Variants in METAP1D observed in about 807,000 individuals in gnomAD.
The protein encoded by METAP1D is methionine aminopeptidase 1D, mitochondrial.
METAP1D carries 31 observed loss-of-function variants against 40.5 expected under a neutral mutation model. That is an observed-to-expected ratio of 0.77 (90% confidence interval 0.58 to 1.03). METAP1D has a LOEUF of 1.03. Among genes scored for constraint, METAP1D ranks in the 50% least tolerant of loss-of-function variants. The pLI is 0.00. For missense variants in METAP1D, 411 were observed against 420.7 expected (o/e 0.98, Z 0.20); for synonymous variants, 151 against 146.4 (o/e 1.03, Z -0.22).
chr2:172,077,939 A>G (rs1690587174), intron 7 of METAP1D, 45 bp downstream of exon 7: 1 of 975,554 alleles, frequency 1.0e-6, no homozygotes, highest in Admixed American at 1.9e-5. Context: ...AGAGATCAAG[A>G]TGTGGCAGCT....
intron 1 of METAP1D, among the ~76,000 whole-genome samples, chr2:172,016,319 A>G (rs1242914703): frequency 8.9e-6 from 1 of 112,244 alleles, no homozygotes; most frequent in African/African-American, 3.0e-5. Context: ...ATATATATAT[A>G]TATATATATA....
At chr2:172,047,544 C>T (rs1445118715) in intron 1 of METAP1D, among the ~76,000 whole-genome samples, 3 of 152,142 alleles carry the variant, frequency 2.0e-5, no homozygotes, top group Non-Finnish European at 4.4e-5. Flanking sequence ...AGTCATCCTC[C>T]CACCTCAGTC....
intron 1 of METAP1D, among the ~76,000 whole-genome samples, chr2:172,056,096 T>C (rs1356439434): frequency 6.6e-6 from 1 of 152,212 alleles, no homozygotes; most frequent in East Asian, 1.9e-4. Flanking sequence ...GATGATCTTT[T>C]GTGTAATCAA....
At chr2:172,003,501 C>A (rs1237012955) in intron 1 of METAP1D, among the ~76,000 whole-genome samples, 1 of 152,112 alleles carries the variant, frequency 6.6e-6, no homozygotes, top group African/African-American at 2.4e-5. Flanking sequence ...TAGTTTCCCC[C>A]ATTCTGTTCT....
At chr2:172,005,520 T>TATATATATA in intron 1 of METAP1D, among the ~76,000 whole-genome samples, 1 of 110,940 alleles carries the variant, frequency 9.0e-6, no homozygotes, top group Non-Finnish European at 1.8e-5. Context: ...TGTCTGTATT[T>TATATATATA]TATATATATA....
At chr2:172,013,664 C>T (rs1444840295) in intron 1 of METAP1D, among the ~76,000 whole-genome samples, 5 of 151,878 alleles carry the variant, frequency 3.3e-5, no homozygotes, top group South Asian at 2.1e-4. Flanking sequence ...GGGAAATTTG[C>T]GTGTGAAAGA....
intron 1 of METAP1D, among the ~76,000 whole-genome samples, chr2:172,060,814 C>T (rs932862111): frequency 3.3e-5 from 5 of 152,158 alleles, no homozygotes; most frequent in Admixed American, 3.3e-4. Flanking sequence ...TTCATTCATC[C>T]ATCAGTGCAT....
intron 1 of METAP1D, among the ~76,000 whole-genome samples, chr2:172,036,196 A>G (rs958118615): frequency 2.9e-4 from 44 of 150,518 alleles, no homozygotes; most frequent in Non-Finnish European, 1.2e-4. Context: ...GGGTGCCTGT[A>G]GTCCCAGCTA....
At chr2:172,030,304 C>T (rs992460829) in intron 1 of METAP1D, among the ~76,000 whole-genome samples, 2 of 151,924 alleles carry the variant, frequency 1.3e-5, no homozygotes, top group African/African-American at 4.8e-5. Flanking sequence ...GTTGGTCAGG[C>T]TGGTCTCGAA....
chr2:172,072,925 T>G (rs1306733304), intron 6 of METAP1D, among the ~76,000 whole-genome samples: 2 of 152,142 alleles, frequency 1.3e-5, no homozygotes, highest in Non-Finnish European at 2.9e-5. Context: ...TGAGATGTGC[T>G]AGGAACAGGC....
intron 1 of METAP1D, among the ~76,000 whole-genome samples, chr2:172,035,310 G>A (rs1245854898): frequency 2.6e-5 from 4 of 152,146 alleles, no homozygotes; most frequent in Middle Eastern, 6.8e-3. Context: ...GACTGCAGGC[G>A]CCGGCCACCA....
chr2:172,039,927 G>A (rs1349052087), intron 1 of METAP1D, among the ~76,000 whole-genome samples: 17 of 145,650 alleles, frequency 1.2e-4, no homozygotes, highest in South Asian at 4.4e-4. Context: ...TGCCCACCTT[G>A]GCCTCTCAGA....
At chr2:172,051,800 A>G (rs1689890063) in intron 1 of METAP1D, among the ~76,000 whole-genome samples, 1 of 152,188 alleles carries the variant, frequency 6.6e-6, no homozygotes, top group Non-Finnish European at 1.5e-5. Flanking sequence ...ATTTGAGGTG[A>G]ATTTTATTAG....
At chr2:172,020,444 C>G (rs1295363041) in intron 1 of METAP1D, among the ~76,000 whole-genome samples, 2 of 152,084 alleles carry the variant, frequency 1.3e-5, no homozygotes, top group African/African-American at 4.8e-5. Flanking sequence ...TCTTTCGTGC[C>G]CACAATAAGA....
chr2:172,027,188 A>T (rs1689137184), intron 1 of METAP1D, among the ~76,000 whole-genome samples: 1 of 152,200 alleles, frequency 6.6e-6, no homozygotes, highest in East Asian at 1.9e-4. Context: ...ACACAAAACC[A>T]TATGCCTCTG....
intron 1 of METAP1D, among the ~76,000 whole-genome samples, chr2:172,022,933 T>A (rs572747523): frequency 3.3e-4 from 50 of 152,310 alleles, no homozygotes; most frequent in Middle Eastern, 6.8e-3. Flanking sequence ...ACATCTGTAA[T>A]CCCAGCACTT....
At chr2:172,028,713 A>G (rs1190557130) in intron 1 of METAP1D, among the ~76,000 whole-genome samples, 1 of 152,174 alleles carries the variant, frequency 6.6e-6, no homozygotes, top group Admixed American at 6.6e-5. Flanking sequence ...GCCACGAACT[A>G]TATAACAAAT....
At chr2:172,040,801 C>G (rs1414766940) in intron 1 of METAP1D, among the ~76,000 whole-genome samples, 1 of 125,244 alleles carries the variant, frequency 8.0e-6, no homozygotes, top group Non-Finnish European at 1.6e-5. Context: ...GGTTAGAGTG[C>G]AGTGGCACAA....
rs1460847687 is a variant in METAP1D at position 172,081,658 on chromosome 2, A to T, written c.*1252A>T. On this transcript the variant is annotated 3_prime_UTR_variant, in exon 10 of 10. Coordinates refer to ENST00000315796, the MANE Select transcript of METAP1D (RefSeq NM_199227.3). ...CGAAGGAAGCCGTCTGCCTTCGGTT[A>T]TGATTTTAGGAACAAGTCCAACGAG... 4 of 152,298 alleles carry T rather than the reference A, an allele frequency of 2.6e-5. No individual in the cohort carries two copies. Among genetic ancestry groups the T allele is most frequent in the African/African-American group, 9.6e-5 (4 of 41,462 alleles). The allele number at this position is 152,298 out of a possible 1,614,324, so 9.4% of individuals were successfully genotyped here. A position where few individuals can be genotyped will look rare whatever the true frequency, so the allele number is the denominator to read the frequency against.
Sources: allele counts gnomAD v4.1 joint callset (sites outside exome capture counted in the v4.1 genomes callset), GRCh38; gene constraint gnomAD v4.1.1; transcripts MANE v1.5; gene names NCBI Gene and HGNC (gene_info 2026-07-23, HGNC 2026-07-21).